Variants in UBE3D observed in about 807,000 individuals in gnomAD.
UBE3D encodes the protein E3 ubiquitin-protein ligase E3D.
In UBE3D, 48 loss-of-function variants were observed where a neutral mutation model predicts 49.6. The ratio of observed to expected loss-of-function variants is 0.97; its 90% CI spans 0.77 to 1.23. The LOEUF (loss-of-function observed/expected upper bound fraction) is 1.23, where lower values mean the gene tolerates loss of function less well. Ranked by LOEUF, UBE3D falls within the 50% of genes most tolerant of loss-of-function variation. The probability of loss-of-function intolerance (pLI) is 0.00; values close to 1 mark genes in which losing one functional copy is unlikely to be tolerated. For synonymous variants in UBE3D, 189 were observed against 174.2 expected (o/e 1.08, Z -0.67); for missense variants, 452 against 468.4 (o/e 0.96, Z 0.32).
chr6:83,003,120 C>T (rs1779744648), intron 8 of UBE3D, among the ~76,000 whole-genome samples: 1 of 152,140 alleles, frequency 6.6e-6, no homozygotes, highest in African/African-American at 2.4e-5. Context: ...TTAGACCTTT[C>T]TCATATGAAA....
intron 9 of UBE3D, among the ~76,000 whole-genome samples, chr6:82,936,936 C>T (rs974095718): frequency 2.0e-5 from 3 of 152,154 alleles, no homozygotes; most frequent in Non-Finnish European, 4.4e-5. Context: ...AGGGTATAGA[C>T]AGGGAAAGTG....
At chr6:82,992,216 C>CTTT (rs386407755) in intron 8 of UBE3D, among the ~76,000 whole-genome samples, 183 of 96,732 alleles carry the variant, frequency 1.9e-3, no homozygotes, top group Non-Finnish European at 2.4e-3. Flanking sequence ...ATCTGCATTC[C>CTTT]TTTTTTTTTT....
At chr6:83,017,701 T>G (rs538727735) in intron 8 of UBE3D, 1 of 152,146 alleles carries the variant, frequency 6.6e-6, no homozygotes, top group Non-Finnish European at 1.5e-5. Context: ...CAAAATACTT[T>G]GATATTACCT....
In UBE3D at chr6:83,057,877, CAACA is replaced by C. The variant is rs1167454124; in HGVS notation, c.219_222del (p.Phe73LeufsTer16). On this transcript the variant is annotated frameshift_variant, in exon 2 of 10. Coordinates refer to ENST00000369747, the MANE Select transcript of UBE3D (RefSeq NM_198920.3). LOFTEE classifies it high-confidence loss of function. ...AGTCGCAGGTGCAGTCCATCTCCAA[CAACA>C]AACTGTAGCCCACGGCAAGAGGAAG... 6.2e-7 allele frequency: 1 copy of C among 1,614,188 alleles called. No homozygotes were observed. Among genetic ancestry groups the C allele is most frequent in the Non-Finnish European group, 8.5e-7 (1 of 1,180,036 alleles).
chr6:83,015,201 T>C (rs962909661), intron 8 of UBE3D, among the ~76,000 whole-genome samples: 1 of 152,206 alleles, frequency 6.6e-6, no homozygotes, highest in Admixed American at 6.5e-5. Flanking sequence ...ATGAAGGTGC[T>C]GCCTTCACAA....
intron 6 of UBE3D, among the ~76,000 whole-genome samples, chr6:83,022,940 C>G (rs1331592237): frequency 6.6e-6 from 1 of 152,180 alleles, no homozygotes; most frequent in East Asian, 1.9e-4. Context: ...AAACATCAGA[C>G]AGTATTGTCT....
chr6:82,997,020 G>C (rs989763731), intron 8 of UBE3D, among the ~76,000 whole-genome samples: 2 of 151,980 alleles, frequency 1.3e-5, no homozygotes, highest in Non-Finnish European at 2.9e-5. Context: ...CTTACATTAG[G>C]GGAAACTGAA....
At chr6:82,962,666 G>A (rs1032103238) in intron 8 of UBE3D, among the ~76,000 whole-genome samples, 2 of 152,050 alleles carry the variant, frequency 1.3e-5, no homozygotes, top group African/African-American at 2.4e-5. Context: ...TATTCCCATT[G>A]AAGCGCATAA....
chr6:82,985,338 A>C (rs933129557), intron 8 of UBE3D, among the ~76,000 whole-genome samples: 1 of 151,252 alleles, frequency 6.6e-6, no homozygotes, highest in Admixed American at 6.6e-5. Context: ...TTTAGTACTT[A>C]TGTGGTTTTG....
intron 3 of UBE3D, among the ~76,000 whole-genome samples, chr6:83,046,903 G>C (rs955436392): frequency 6.6e-6 from 1 of 152,160 alleles, no homozygotes; most frequent in South Asian, 2.1e-4. Context: ...CATCTGAGCT[G>C]GCCTTTGAAA....
chr6:82,953,218 G>A (rs574232550), intron 9 of UBE3D, among the ~76,000 whole-genome samples: 2 of 152,306 alleles, frequency 1.3e-5, no homozygotes, highest in South Asian at 2.1e-4. Flanking sequence ...TGCCTACTGC[G>A]TTGGTTTCTG....
intron 9 of UBE3D, among the ~76,000 whole-genome samples, chr6:82,923,275 C>T (rs1773490165): frequency 4.6e-5 from 7 of 152,176 alleles, no homozygotes; most frequent in Admixed American, 4.6e-4. Flanking sequence ...TTTATTGCAG[C>T]ACTATTCACA....
intron 9 of UBE3D, among the ~76,000 whole-genome samples, chr6:82,946,049 C>T (rs1181556560): frequency 1.3e-5 from 2 of 151,878 alleles, no homozygotes; most frequent in African/African-American, 4.8e-5. Flanking sequence ...GAGTTACAGG[C>T]CTTAAAGAGG....
At chr6:82,926,468 G>C (rs894615388) in intron 9 of UBE3D, among the ~76,000 whole-genome samples, 3 of 152,036 alleles carry the variant, frequency 2.0e-5, no homozygotes, top group Non-Finnish European at 4.4e-5. Context: ...AGCACCTTTG[G>C]TATTGATGAT....
intron 2 of UBE3D, among the ~76,000 whole-genome samples, chr6:83,054,916 TGGGATTACA>T (rs1196502452): frequency 1.3e-5 from 2 of 152,248 alleles, no homozygotes; most frequent in Non-Finnish European, 2.9e-5. Context: ...CCCAAAGTGC[TGGGATTACA>T]GGCGTGAGCC....
chr6:83,025,665 C>A (rs770145868), intron 5 of UBE3D, among the ~76,000 whole-genome samples: 2 of 151,718 alleles, frequency 1.3e-5, no homozygotes, highest in Non-Finnish European at 2.9e-5. Flanking sequence ...AGCAGATCAC[C>A]TGGGGTCAGG....
At chr6:83,049,747 C>T (rs1012753556) in intron 3 of UBE3D, 56 of 470,974 alleles carry the variant, frequency 1.2e-4, no homozygotes, top group African/African-American at 6.0e-4. Flanking sequence ...CAGAGACCTC[C>T]GGAGAGCCAC....
chr6:82,894,989 G>T (rs1216220011), intron 9 of UBE3D, among the ~76,000 whole-genome samples: 1 of 152,162 alleles, frequency 6.6e-6, no homozygotes, highest in African/African-American at 2.4e-5. Context: ...TTAGCATAAG[G>T]ATAACATTGA....
chr6:83,053,717 A>G (rs1783625730), intron 3 of UBE3D, among the ~76,000 whole-genome samples: 1 of 152,228 alleles, frequency 6.6e-6, no homozygotes, highest in Admixed American at 6.5e-5. Context: ...AAGCAGGAGA[A>G]ATAGGAAATG....
Sources: gnomAD v4.1 joint callset for allele counts (sites outside exome capture counted in the v4.1 genomes callset) on GRCh38, gnomAD v4.1.1 for gene constraint, MANE v1.5 for transcripts, NCBI Gene and HGNC (gene_info 2026-07-23, HGNC 2026-07-21) for gene names.